Variants in PTPRG observed in about 807,000 individuals in gnomAD.
PTPRG encodes the protein receptor-type tyrosine-protein phosphatase gamma.
Under a neutral mutation model 165.3 loss-of-function variants are expected in PTPRG, and 102 were observed. The ratio of observed to expected loss-of-function variants is 0.62; its 90% CI spans 0.53 to 0.73. PTPRG has a LOEUF of 0.73. PTPRG is among the 30% of genes least tolerant of loss of function. PTPRG has a pLI of 0.00. For missense variants in PTPRG, 1,866 were observed against 1,861.4 expected (o/e 1.00, Z -0.05); for synonymous variants, 675 against 669.5 (o/e 1.01, Z -0.13).
chr3:61,612,941 C>G (rs1701212788), intron 1 of PTPRG, among the ~76,000 whole-genome samples: 1 of 152,008 alleles, frequency 6.6e-6, no homozygotes, highest in Non-Finnish European at 1.5e-5. Context: ...CAGAGGATGA[C>G]AAAGGACAGG....
chr3:61,607,419 C>T (rs887654577), intron 1 of PTPRG, among the ~76,000 whole-genome samples: 7 of 152,090 alleles, frequency 4.6e-5, no homozygotes. Context: ...AACTGAAATG[C>T]CTGGGGCCAA....
chr3:62,177,388 A>G, intron 8 of PTPRG, among the ~76,000 whole-genome samples: 1 of 152,210 alleles, frequency 6.6e-6, no homozygotes, highest in East Asian at 1.9e-4. Context: ...GGATATGGAA[A>G]TTACTCTGCA....
intron 2 of PTPRG, among the ~76,000 whole-genome samples, chr3:61,883,138 G>A (rs555704402): frequency 6.6e-6 from 1 of 152,240 alleles, no homozygotes; most frequent in South Asian, 2.1e-4. Context: ...CTGTCCTTGG[G>A]GACTTTTTCC....
In PTPRG at chr3:61,640,516, C is replaced by T. The variant is rs563698063; in HGVS notation, c.85+78144C>T. ...TTTGCACATTACCATATTTAATCCCCGTAAGACCCCAAAAGGGAGGTACTC... is the reference window on the plus strand; with the variant it reads ...TTTGCACATTACCATATTTAATCCCTGTAAGACCCCAAAAGGGAGGTACTC... On this transcript the variant is annotated intron_variant, in intron 1 of 29. Transcript: ENST00000474889. 7.2e-5 allele frequency among the ~76,000 whole-genome samples: 11 copies of T among 152,252 alleles called. No individual in the cohort carries two copies. The South Asian group carries it at 1.0e-3, about 14-fold the overall frequency.
chr3:61,989,890 C>G, intron 3 of PTPRG, 86 bp downstream of exon 3: 1 of 1,443,546 alleles, frequency 6.9e-7, no homozygotes, highest in Non-Finnish European at 9.5e-7. Flanking sequence ...ATGACTTGCT[C>G]CTTAAATAGT....
At chr3:62,008,954 T>A (rs1231367679) in intron 4 of PTPRG, among the ~76,000 whole-genome samples, 1 of 152,184 alleles carries the variant, frequency 6.6e-6, no homozygotes, top group East Asian at 1.9e-4. Context: ...GTGCCATGTA[T>A]ATTTCAGAAG....
chr3:62,231,197 T>G (rs748359188), intron 13 of PTPRG, 28 bp from the exon 14 acceptor site: 11 of 1,506,464 alleles, frequency 7.3e-6, no homozygotes, highest in Admixed American at 4.2e-5. Context: ...ATTCTACACC[T>G]GTTCTCTTTT....
chr3:61,885,677 CT>C, intron 2 of PTPRG, among the ~76,000 whole-genome samples: 1 of 86,700 alleles, frequency 1.2e-5, no homozygotes, highest in East Asian at 3.5e-4. Context: ...CTCTCCTCTC[CT>C]CTCCTCTCCT....
intron 4 of PTPRG, among the ~76,000 whole-genome samples, chr3:62,040,302 C>T (rs1006863514): frequency 2.0e-5 from 3 of 152,164 alleles, no homozygotes; most frequent in Admixed American, 1.3e-4. Context: ...AACAAAGGCA[C>T]ACTTGAAATG....
intron 1 of PTPRG, among the ~76,000 whole-genome samples, chr3:61,743,887 C>G (rs1211151908): frequency 6.6e-6 from 1 of 150,408 alleles, no homozygotes; most frequent in Non-Finnish European, 1.5e-5. Flanking sequence ...CTGACATAAG[C>G]AAGTATGCAA....
At chr3:61,905,761 GTTATTAGAAAAC>G (rs2038631373) in intron 2 of PTPRG, among the ~76,000 whole-genome samples, 2 of 152,162 alleles carry the variant, frequency 1.3e-5, no homozygotes, top group African/African-American at 4.8e-5. Context: ...GCTGAGAGGT[GTTATTAGAAAAC>G]TTTCAACTGA....
intron 1 of PTPRG, among the ~76,000 whole-genome samples, chr3:61,680,561 C>T (rs1035324189): frequency 7.0e-6 from 1 of 142,732 alleles, no homozygotes; most frequent in South Asian, 2.3e-4. Context: ...ATGTGGGTGA[C>T]CCTTGGCTAC....
chr3:61,726,633 T>C (rs978743038), intron 1 of PTPRG, among the ~76,000 whole-genome samples: 2 of 152,216 alleles, frequency 1.3e-5, no homozygotes, highest in Non-Finnish European at 2.9e-5. Flanking sequence ...ATTGCCTGTT[T>C]CGATGCCTGA....
chr3:61,819,497 G>T (rs140298428), intron 2 of PTPRG, among the ~76,000 whole-genome samples: 5 of 152,264 alleles, frequency 3.3e-5, no homozygotes, highest in African/African-American at 9.6e-5. Context: ...GAATAAATTT[G>T]TGTATCTAGG....
intron 1 of PTPRG, among the ~76,000 whole-genome samples, chr3:61,621,045 A>G (rs78642315): frequency 5.0e-4 from 39 of 77,540 alleles, no homozygotes; most frequent in African/African-American, 7.5e-4. Flanking sequence ...ATATATATAT[A>G]TATATATGTG....
intron 28 of PTPRG, among the ~76,000 whole-genome samples, chr3:62,290,979 G>A (rs538207565): frequency 1.3e-5 from 2 of 151,886 alleles, no homozygotes; most frequent in East Asian, 1.9e-4. Flanking sequence ...GAAACAGATC[G>A]GGGGGCAAAA....
chr3:62,287,227 C>T (rs1227605110), intron 28 of PTPRG, among the ~76,000 whole-genome samples: 1 of 152,048 alleles, frequency 6.6e-6, no homozygotes, highest in Non-Finnish European at 1.5e-5. Flanking sequence ...ACAGATTAAA[C>T]AAATGTTAAA....
At chr3:61,980,726 A>G (rs566548491) in intron 2 of PTPRG, among the ~76,000 whole-genome samples, 1 of 152,352 alleles carries the variant, frequency 6.6e-6, no homozygotes, top group South Asian at 2.1e-4. Context: ...TGAAAAGTCT[A>G]GAGATAAAAT....
chr3:61,934,668 C>G (rs2039441938), intron 2 of PTPRG, among the ~76,000 whole-genome samples: 1 of 152,088 alleles, frequency 6.6e-6, no homozygotes, highest in African/African-American at 2.4e-5. Context: ...GTCTCATTCC[C>G]TTTTAAGAGT....
Sources: allele counts gnomAD v4.1 joint callset (sites outside exome capture counted in the v4.1 genomes callset), GRCh38; gene constraint gnomAD v4.1.1; transcripts MANE v1.5; gene names NCBI Gene and HGNC (gene_info 2026-07-23, HGNC 2026-07-21).